The following AKR1C3 variants were observed in gnomAD, a reference collection of about 807,000 sequenced individuals.
AKR1C3 encodes aldo-keto reductase family 1 member C3.
AKR1C3 carries 48 observed loss-of-function variants against 43.6 expected under a neutral mutation model. The observed-to-expected ratio is 1.10, with a 90% CI of 0.87 to 1.40. The LOEUF (loss-of-function observed/expected upper bound fraction) is 1.40. Among genes scored for constraint, AKR1C3 ranks in the 40% most tolerant of loss-of-function variants. The pLI is 0.00. For synonymous variants in AKR1C3, 162 were observed against 139.6 expected, an observed-to-expected ratio of 1.16 and a Z score of -1.13; for missense variants, 482 against 391.2, an observed-to-expected ratio of 1.23 and a Z score of -1.96.
At chr10:5,088,097 ATTGT>A (rs1839013069) in intron 1 of AKR1C3, among the ~76,000 whole-genome samples, 1 of 152,146 alleles carries the variant, frequency 6.6e-6, no homozygotes, top group African/African-American at 2.4e-5. Context: ...TCAGGGACAC[ATTGT>A]TTAATTTTTC....
At chr10:5,056,319 T>G (rs1212845256) in intron 1 of AKR1C3, among the ~76,000 whole-genome samples, 2 of 152,160 alleles carry the variant, frequency 1.3e-5, no homozygotes, top group Non-Finnish European at 2.9e-5. Flanking sequence ...AAGGCATCCT[T>G]GAGGTCCAGA....
intron 1 of AKR1C3, among the ~76,000 whole-genome samples, chr10:5,058,022 C>T (rs184795339): frequency 2.5e-4 from 38 of 152,144 alleles, no homozygotes; most frequent in African/African-American, 2.9e-4. Context: ...GACATGTACC[C>T]GGGTTGGGCC....
chr10:5,103,437 G>A (rs1182496457), intron 7 of AKR1C3, among the ~76,000 whole-genome samples: 3 of 151,866 alleles, frequency 2.0e-5, no homozygotes, highest in Non-Finnish European at 4.4e-5. Context: ...CCTCAACATA[G>A]GGGTTTAAGA....
At chr10:5,106,219 CT>C (rs1839496258) in intron 8 of AKR1C3, among the ~76,000 whole-genome samples, 1 of 152,224 alleles carries the variant, frequency 6.6e-6, no homozygotes, top group Admixed American at 6.5e-5. Flanking sequence ...CCAAACTCTG[CT>C]TTTGCCTCCA....
intron 5 of AKR1C3, among the ~76,000 whole-genome samples, chr10:5,101,798 C>T (rs1016468761): frequency 1.3e-5 from 2 of 152,280 alleles, no homozygotes; most frequent in South Asian, 2.1e-4. Flanking sequence ...AGCCCAAAGG[C>T]TCTAAGAATC....
chr10:5,104,590 T>C (rs911717756), intron 7 of AKR1C3, among the ~76,000 whole-genome samples: 2 of 152,178 alleles, frequency 1.3e-5, no homozygotes, highest in African/African-American at 4.8e-5. Context: ...ATATGAAATT[T>C]TGAAACATCA....
chr10:5,069,353 GAGAAAT>G (rs1477671218), intron 1 of AKR1C3, among the ~76,000 whole-genome samples: 2 of 152,214 alleles, frequency 1.3e-5, no homozygotes, highest in African/African-American at 2.4e-5. Context: ...TAGGCAGAGA[GAGAAAT>G]AGAACTCAAA....
At chr10:5,053,504 G>T (rs1325869387) in intron 1 of AKR1C3, among the ~76,000 whole-genome samples, 1 of 152,258 alleles carries the variant, frequency 6.6e-6, no homozygotes, top group Non-Finnish European at 1.5e-5. Flanking sequence ...CCTGCAAGCT[G>T]AGGGAGATGG....
At chr10:5,091,635 C>T (rs1382715717), upstream of AKR1C3, among the ~76,000 whole-genome samples, 1 of 152,042 alleles carries the variant, frequency 6.6e-6, no homozygotes, top group Non-Finnish European at 1.5e-5. Context: ...ATACAGCACC[C>T]TATAGTTATA....
rs782183912 is a variant in AKR1C3, at chr10:5,102,197, C to T, written c.667C>T (p.Arg223Ter). Residue 223 changes from arginine to a stop codon, truncating the protein, a stop_gained, in exon 6 of 9, where the codon CGA becomes TGA. Coordinates refer to ENST00000380554, the MANE Select transcript of AKR1C3 (RefSeq NM_003739.6). LOFTEE classifies it high-confidence loss of function. ...LVAYSALGSQ[R>*]DKRWVDPNSP... ...TGCCTATAGTGCTCTGGGATCTCAACGAGACAAACGATGGTAATAAAAACA... is the reference window on the plus strand; with the variant it reads ...TGCCTATAGTGCTCTGGGATCTCAATGAGACAAACGATGGTAATAAAAACA... 6.8e-6 allele frequency: 11 copies of T among 1,612,770 alleles called. No individual in the cohort carries two copies. Among genetic ancestry groups the T allele is most frequent in the South Asian group, 2.2e-5 (2 of 90,950 alleles).
intron 7 of AKR1C3, among the ~76,000 whole-genome samples, chr10:5,103,629 A>G (rs1198688232): frequency 1.3e-5 from 2 of 152,124 alleles, no homozygotes; most frequent in Admixed American, 1.3e-4. Flanking sequence ...CATATAGTTC[A>G]TCCTGCAGCC....
intron 1 of AKR1C3, among the ~76,000 whole-genome samples, chr10:5,088,621 A>AT (rs1489559911): frequency 6.6e-6 from 1 of 151,492 alleles, no homozygotes; most frequent in Non-Finnish European, 1.5e-5. Context: ...AGTCTGTTTT[A>AT]TCTAGTATAA....
Position 5,105,776 on chromosome 10 carries a change from A to T in AKR1C3, c.929+99A>T, listed in dbSNP as rs868912914. On this transcript the variant is annotated intron_variant, in intron 8 of 8. Transcript: ENST00000380554. ...CTCCATACCAGAGGGACAGAGGCCA[A>T]TGTGAGTCAGAGGTGAGACTGGAAC... The T allele has an allele frequency of 6.8e-6, 6 of 884,336 alleles. No homozygotes were observed. In the African/African-American group the frequency reaches 8.4e-5, roughly 12 times the overall value. The allele number at this position is 884,336 out of a possible 1,614,324, so 54.8% of individuals were successfully genotyped here. A position where few individuals can be genotyped will look rare whatever the true frequency, so the allele number is the denominator to read the frequency against.
chr10:5,068,313 A>C (rs1838551327), intron 1 of AKR1C3, among the ~76,000 whole-genome samples: 1 of 152,146 alleles, frequency 6.6e-6, no homozygotes, highest in Non-Finnish European at 1.5e-5. Context: ...CATGTACCTA[A>C]ACATGTTAAA....
At chr10:5,105,069 A>G (rs1234298885) in intron 7 of AKR1C3, among the ~76,000 whole-genome samples, 1 of 152,158 alleles carries the variant, frequency 6.6e-6, no homozygotes, top group East Asian at 1.9e-4. Flanking sequence ...TTTAGAGAGT[A>G]AGATACACTT....
At chr10:5,069,593 G>A (rs61856140) in intron 1 of AKR1C3, among the ~76,000 whole-genome samples, 16,670 of 152,178 alleles carry the variant, frequency 0.11, 1,156 homozygotes, top group South Asian at 0.17. Context: ...AAGAATTCCT[G>A]GCCAGGCATG....
At position 5,096,500 on chromosome 10, in the gene AKR1C3, G is replaced by C; in HGVS notation, c.175G>C (p.Glu59Gln). Reference sequence around the variant, plus strand: ...TTCTGCTCATTTATACAATAATGAGGAGCAGGTTGGACTGGCCATCCGAAG... The same window carrying C: ...TTCTGCTCATTTATACAATAATGAGCAGCAGGTTGGACTGGCCATCCGAAG... The part of the protein sequence containing the change: ...IDSAHLYNNE[E>Q]QVGLAIRSKI... The change falls in exon 2 of 9, where the codon GAG becomes CAG. Residue 59 changes from glutamate to glutamine, a missense_variant. Physicochemically the swap from Glu to Gln is conservative, Grantham distance 29. Transcript: ENST00000380554. 6.2e-7 allele frequency: 1 copy of C among 1,613,868 alleles called. No individual in the cohort carries two copies. The highest frequency in any genetic ancestry group is 8.5e-7 in the Non-Finnish European group (1 of 1,179,810).
intron 1 of AKR1C3, among the ~76,000 whole-genome samples, chr10:5,078,962 T>TAA (rs2131814280): frequency 6.6e-6 from 1 of 152,270 alleles, no homozygotes; most frequent in South Asian, 2.1e-4. Flanking sequence ...CGTGTTCATG[T>TAA]AAAGGTGTCT....
At chr10:5,078,076 C>G (rs554983730) in intron 1 of AKR1C3, 1 of 616,366 alleles carries the variant, frequency 1.6e-6, no homozygotes, top group African/African-American at 1.9e-5. Context: ...AAACAGAAAG[C>G]TATAAAAGGA....
Sources: gnomAD v4.1 joint callset for allele counts (sites outside exome capture counted in the v4.1 genomes callset) on GRCh38, gnomAD v4.1.1 for gene constraint, MANE v1.5 for transcripts, NCBI Gene and HGNC (gene_info 2026-07-23, HGNC 2026-07-21) for gene names.